The following RASSF6 variants were observed in gnomAD, a reference collection of about 807,000 sequenced individuals.
RASSF6 encodes ras association domain-containing protein 6.
In RASSF6, 52 loss-of-function variants were observed where a neutral mutation model predicts 44.0. The ratio of observed to expected loss-of-function variants is 1.18; its 90% CI spans 0.95 to 1.49. The LOEUF is 1.49. RASSF6 is among the 40% of genes most tolerant of loss of function. RASSF6 has a pLI of 0.00. For missense variants in RASSF6, 464 were observed against 393.3 expected (o/e 1.18, Z -1.52); for synonymous variants, 162 against 124.6 (o/e 1.30, Z -2.00).
chr4:73,606,611 T>A lies in RASSF6; in HGVS notation c.65+5120A>T, dbSNP rs542155175. Among the ~76,000 whole-genome samples the A allele has an allele frequency of 2.0e-5, 3 of 148,668 alleles. No homozygotes were observed. The East Asian group carries it at 6.1e-4, about 30-fold the overall frequency. On this transcript the variant is annotated intron_variant, in intron 2 of 10. Coordinates refer to ENST00000307439, the MANE Select transcript of RASSF6 (RefSeq NM_177532.5). ...ATTTGTCTGTGGTTTAGCCTTTCAT[T>A]TCCTGTTTTTCTGAGACAAGCCTTA...
chr4:73,614,183 T>C (rs548918235), intron 1 of RASSF6, among the ~76,000 whole-genome samples: 34 of 152,192 alleles, frequency 2.2e-4, no homozygotes, highest in Non-Finnish European at 4.7e-4. Flanking sequence ...ATATTCCAAA[T>C]TCGAAAGCTT....
intron 2 of RASSF6, among the ~76,000 whole-genome samples, chr4:73,600,076 C>A (rs1429844087): frequency 2.0e-5 from 3 of 152,178 alleles, no homozygotes; most frequent in Non-Finnish European, 4.4e-5. Flanking sequence ...CTCAAGAAGT[C>A]CTTCCTGATC....
chr4:73,600,128 T>C (rs1725184810), intron 2 of RASSF6, among the ~76,000 whole-genome samples: 1 of 152,202 alleles, frequency 6.6e-6, no homozygotes, highest in African/African-American at 2.4e-5. Context: ...TTTCATATCT[T>C]GATTTTCTCC....
chr4:73,597,548 A>C (rs1725011962), intron 3 of RASSF6, among the ~76,000 whole-genome samples: 1 of 152,196 alleles, frequency 6.6e-6, no homozygotes, highest in Admixed American at 6.5e-5. Context: ...CTAATCATTG[A>C]GGAAGACAGT....
intron 2 of RASSF6, among the ~76,000 whole-genome samples, chr4:73,601,658 T>C (rs1725285041): frequency 6.6e-6 from 1 of 152,240 alleles, no homozygotes; most frequent in African/African-American, 2.4e-5. Flanking sequence ...ATTATAGCAA[T>C]GGTGAATGTT....
chr4:73,602,829 C>T (rs544784100), intron 2 of RASSF6, among the ~76,000 whole-genome samples: 1 of 152,238 alleles, frequency 6.6e-6, no homozygotes, highest in East Asian at 1.9e-4. Flanking sequence ...TGGCTCATGC[C>T]TGTAATCCCA....
intron 8 of RASSF6, among the ~76,000 whole-genome samples, chr4:73,580,040 A>T (rs1454950207): frequency 1.8e-5 from 2 of 111,236 alleles, no homozygotes; most frequent in African/African-American, 6.9e-5. Flanking sequence ...ACCCCACAAC[A>T]GTCCCCAGAG....
At chr4:73,603,995 T>C (rs1725454588) in intron 2 of RASSF6, 1 of 152,196 alleles carries the variant, frequency 6.6e-6, no homozygotes, top group Non-Finnish European at 1.5e-5. Context: ...ATAAATATTG[T>C]CATATGCCGT....
At chr4:73,615,067 T>C (rs1288458829) in intron 1 of RASSF6, among the ~76,000 whole-genome samples, 1 of 150,776 alleles carries the variant, frequency 6.6e-6, no homozygotes, top group Non-Finnish European at 1.5e-5. Context: ...TAATCCCAGC[T>C]ACCTGGGAGG....
chr4:73,584,615 G>A (rs1723929573), intron 6 of RASSF6, among the ~76,000 whole-genome samples: 2 of 152,128 alleles, frequency 1.3e-5, no homozygotes, highest in African/African-American at 4.8e-5. Flanking sequence ...AAATTGGCCT[G>A]TGGCTTTTTC....
At chr4:73,581,755 C>T (rs1723663566) in intron 8 of RASSF6, 62 bp downstream of exon 8, 6 of 1,103,592 alleles carry the variant, frequency 5.4e-6, no homozygotes, top group East Asian at 2.4e-5. Flanking sequence ...TTCTGCCTTC[C>T]CCCTGGGCAG....
intron 8 of RASSF6, among the ~76,000 whole-genome samples, chr4:73,581,088 G>A (rs1282427031): frequency 2.3e-5 from 2 of 85,998 alleles, no homozygotes; most frequent in Non-Finnish European, 5.4e-5. Flanking sequence ...TAGAGATACA[G>A]CTTTCATTTT....
intron 8 of RASSF6, among the ~76,000 whole-genome samples, chr4:73,581,459 T>C (rs904986752): frequency 2.0e-5 from 3 of 152,140 alleles, no homozygotes; most frequent in Non-Finnish European, 2.9e-5. Flanking sequence ...TATGCAATCA[T>C]GACTCCTCTA....
chr4:73,576,815 T>A, intron 8 of RASSF6, 84 bp from the exon 9 acceptor site: 1 of 871,416 alleles, frequency 1.1e-6, no homozygotes, highest in South Asian at 1.9e-5. Flanking sequence ...TTATTTTTCG[T>A]ATTTAACTCA....
intron 1 of RASSF6, among the ~76,000 whole-genome samples, chr4:73,617,851 T>C (rs1050211849): frequency 1.6e-4 from 24 of 152,306 alleles, no homozygotes; most frequent in African/African-American, 5.3e-4. Flanking sequence ...TTCTCAGAGG[T>C]TTTGTTTTCA....
intron 3 of RASSF6, among the ~76,000 whole-genome samples, chr4:73,596,475 A>T (rs1272282103): frequency 6.6e-6 from 1 of 152,226 alleles, no homozygotes; most frequent in African/African-American, 2.4e-5. Flanking sequence ...GAAATCAGAG[A>T]TGACACAAAC....
At chr4:73,586,087 A>C (rs1578028209) in intron 5 of RASSF6, among the ~76,000 whole-genome samples, 1 of 148,780 alleles carries the variant, frequency 6.7e-6, no homozygotes, top group Non-Finnish European at 1.5e-5. Context: ...GCTCTTTGAG[A>C]AGCTATTTAT....
intron 3 of RASSF6, among the ~76,000 whole-genome samples, chr4:73,596,492 A>G (rs533972318): frequency 2.7e-4 from 41 of 152,250 alleles, no homozygotes; most frequent in Non-Finnish European, 5.4e-4. Context: ...AAACAAATGG[A>G]AAATCATTCC....
Position 73,611,739 on chromosome 4 carries a change from G to C in RASSF6, c.57C>G (p.Phe19Leu), listed in dbSNP as rs1251817525. Reference sequence around the variant, plus strand: ...ATAAGGTGTGTGGTTACCTGGTTATGAATGTCTTCTCATTAATGAAGATCC... The same window carrying C: ...ATAAGGTGTGTGGTTACCTGGTTATCAATGTCTTCTCATTAATGAAGATCC... ...PSWIFINEKT[F>L]ITREQLNSLL... The change falls in exon 2 of 11, where the codon TTC becomes TTG. Residue 19 changes from phenylalanine to leucine, a missense_variant. Phe to Leu is a conservative substitution (Grantham distance 22, BLOSUM62 0). Transcript: ENST00000307439. 5.6e-6 allele frequency: 9 copies of C among 1,601,222 alleles called. No homozygotes were observed. The highest frequency in any genetic ancestry group is 1.3e-5 in the African/African-American group (1 of 74,582).
Sources: gnomAD v4.1 joint callset for allele counts (sites outside exome capture counted in the v4.1 genomes callset) on GRCh38, gnomAD v4.1.1 for gene constraint, MANE v1.5 for transcripts, NCBI Gene and HGNC (gene_info 2026-07-23, HGNC 2026-07-21) for gene names.